The following UBL3 variants were observed in gnomAD, a reference collection of about 807,000 sequenced individuals.
The protein encoded by UBL3 is ubiquitin-like protein 3.
In UBL3, 6 loss-of-function variants were observed where a neutral mutation model predicts 18.4. That is an observed-to-expected ratio of 0.33 (90% CI 0.18 to 0.64). UBL3 has a LOEUF of 0.64. Ranked by LOEUF, UBL3 falls within the 30% of genes least tolerant of loss-of-function variation. The pLI is 0.76. For missense variants in UBL3, 109 were observed against 142.9 expected (o/e 0.76, Z 1.21); for synonymous variants, 49 against 46.6 (o/e 1.05, Z -0.21).
chr13:29,792,890 C>T (rs1398880232), intron 1 of UBL3, among the ~76,000 whole-genome samples: 1 of 152,164 alleles, frequency 6.6e-6, no homozygotes, highest in Admixed American at 6.5e-5. Flanking sequence ...ATATAAAATA[C>T]AGCACAAAAT....
At chr13:29,804,699 G>A (rs756447814) in intron 1 of UBL3, among the ~76,000 whole-genome samples, 1 of 152,034 alleles carries the variant, frequency 6.6e-6, no homozygotes, top group African/African-American at 2.4e-5. Context: ...AAAAAACCTA[G>A]AACAAATGGA....
intron 1 of UBL3, among the ~76,000 whole-genome samples, chr13:29,782,479 A>G (rs1877202190): frequency 6.6e-6 from 1 of 152,222 alleles, no homozygotes; most frequent in African/African-American, 2.4e-5. Context: ...CATAGCCTCT[A>G]AATATGTTTG....
At chr13:29,831,806 G>A (rs1256460443) in intron 1 of UBL3, among the ~76,000 whole-genome samples, 2 of 151,800 alleles carry the variant, frequency 1.3e-5, no homozygotes, top group Non-Finnish European at 2.9e-5. Context: ...TGGAATACAA[G>A]TCAAAAACAA....
intron 1 of UBL3, among the ~76,000 whole-genome samples, chr13:29,794,219 T>A (rs1030973159): frequency 2.0e-5 from 3 of 152,160 alleles, no homozygotes; most frequent in African/African-American, 7.2e-5. Flanking sequence ...GAAGGTATTA[T>A]CCTTACTTTA....
chr13:29,817,040 T>TG (rs1160879167), intron 1 of UBL3, among the ~76,000 whole-genome samples: 1 of 152,214 alleles, frequency 6.6e-6, no homozygotes, highest in Non-Finnish European at 1.5e-5. Flanking sequence ...ATGGCAGTGC[T>TG]GCCATGCCGT....
At chr13:29,779,264 T>G (rs1383549934) in intron 1 of UBL3, 1 of 502,894 alleles carries the variant, frequency 2.0e-6, no homozygotes, top group Middle Eastern at 3.2e-4. Context: ...TACTCATGGT[T>G]TTCTCTTAAT....
intron 1 of UBL3, among the ~76,000 whole-genome samples, chr13:29,788,961 G>A (rs1204710281): frequency 6.6e-6 from 1 of 151,626 alleles, no homozygotes; most frequent in Non-Finnish European, 1.5e-5. Flanking sequence ...GTGTAACGGC[G>A]CAATCTCGGC....
chr13:29,816,583 A>G (rs149076469), intron 1 of UBL3, among the ~76,000 whole-genome samples: 37 of 151,492 alleles, frequency 2.4e-4, no homozygotes, highest in Non-Finnish European at 4.1e-4. Context: ...ACATGGTGAG[A>G]TTTTGTATCT....
At chr13:29,810,386 A>G (rs1198599782) in intron 1 of UBL3, among the ~76,000 whole-genome samples, 1 of 152,102 alleles carries the variant, frequency 6.6e-6, no homozygotes, top group Non-Finnish European at 1.5e-5. Flanking sequence ...AGCTCTGAAG[A>G]AGGCTAATAT....
intron 1 of UBL3, among the ~76,000 whole-genome samples, chr13:29,848,533 T>C (rs1311872374): frequency 6.6e-6 from 1 of 152,064 alleles, no homozygotes; most frequent in Non-Finnish European, 1.5e-5. Flanking sequence ...AAAGTTCAAT[T>C]TGTTTCCACT....
intron 1 of UBL3, among the ~76,000 whole-genome samples, chr13:29,839,232 T>A (rs1042460549): frequency 3.9e-5 from 6 of 152,148 alleles, no homozygotes; most frequent in Admixed American, 6.5e-5. Flanking sequence ...TTTCTAAAAC[T>A]GACCATAAAG....
At chr13:29,770,708 A>G (rs902736109) in intron 3 of UBL3, among the ~76,000 whole-genome samples, 1 of 152,034 alleles carries the variant, frequency 6.6e-6, no homozygotes. Flanking sequence ...GAGAATTTTA[A>G]AAAGACTAGA....
chr13:29,832,998 TAAAAG>T (rs1305743365), intron 1 of UBL3, among the ~76,000 whole-genome samples: 1 of 152,044 alleles, frequency 6.6e-6, no homozygotes, highest in African/African-American at 2.4e-5. Context: ...GCACAGGAGT[TAAAAG>T]AAAGATTATG....
chr13:29,800,544 A>T (rs1877733963), intron 1 of UBL3, among the ~76,000 whole-genome samples: 1 of 152,260 alleles, frequency 6.6e-6, no homozygotes, highest in South Asian at 2.1e-4. Context: ...TATGACATAT[A>T]AAAATGTTGT....
At chr13:29,774,147 C>T (rs1876919565) in intron 2 of UBL3, among the ~76,000 whole-genome samples, 1 of 152,028 alleles carries the variant, frequency 6.6e-6, no homozygotes, top group Non-Finnish European at 1.5e-5. Context: ...AATAAGGGAA[C>T]ATCCACTGAT....
At chr13:29,789,598 C>T (rs548739205) in intron 1 of UBL3, among the ~76,000 whole-genome samples, 1 of 152,338 alleles carries the variant, frequency 6.6e-6, no homozygotes, top group Non-Finnish European at 1.5e-5. Flanking sequence ...AACACAGTTG[C>T]TAGCTCTACA....
intron 1 of UBL3, among the ~76,000 whole-genome samples, chr13:29,821,551 A>C (rs893644407): frequency 1.3e-5 from 2 of 152,194 alleles, no homozygotes; most frequent in Admixed American, 1.3e-4. Flanking sequence ...CAGATACTAA[A>C]TGTCACTGGA....
intron 1 of UBL3, among the ~76,000 whole-genome samples, chr13:29,844,925 A>T (rs961790828): frequency 1.1e-5 from 1 of 89,580 alleles, no homozygotes; most frequent in Non-Finnish European, 2.3e-5. Flanking sequence ...CACCACTATT[A>T]CTACGGAACA....
chr13:29,779,035 C>T (rs905737543), intron 1 of UBL3, among the ~76,000 whole-genome samples: 3 of 152,250 alleles, frequency 2.0e-5, no homozygotes, highest in East Asian at 3.9e-4. Context: ...TAGCTGAATA[C>T]AGGAAGAGAT....
Sources: allele counts gnomAD v4.1 joint callset (sites outside exome capture counted in the v4.1 genomes callset), GRCh38; gene constraint gnomAD v4.1.1; transcripts MANE v1.5; gene names NCBI Gene and HGNC (gene_info 2026-07-23, HGNC 2026-07-21).